The following FGF12 variants were observed in gnomAD, a reference collection of about 807,000 sequenced individuals.
The protein encoded by FGF12 is fibroblast growth factor 12B.
FGF12 carries 14 observed loss-of-function variants against 23.6 expected under a neutral mutation model. The ratio of observed to expected loss-of-function variants is 0.59; its 90% CI spans 0.39 to 0.93. The LOEUF is 0.93. Ranked by LOEUF, FGF12 falls within the 40% of genes least tolerant of loss-of-function variation. The probability of loss-of-function intolerance (pLI) is 0.00; values close to 1 mark genes in which losing one functional copy is unlikely to be tolerated. For synonymous variants in FGF12, 62 were observed against 77.3 expected (o/e 0.80, Z 1.04); for missense variants, 175 against 217.8 (o/e 0.80, Z 1.24).
chr3:192,517,331 G>A (rs1724697880), intron 2 of FGF12, among the ~76,000 whole-genome samples: 1 of 152,150 alleles, frequency 6.6e-6, no homozygotes, highest in Admixed American at 6.6e-5. Flanking sequence ...CTGGGTTCTG[G>A]GTGTTAGACT....
intron 3 of FGF12, among the ~76,000 whole-genome samples, chr3:192,338,575 A>G (rs1717534212): frequency 6.6e-6 from 1 of 152,086 alleles, no homozygotes; most frequent in Non-Finnish European, 1.5e-5. Context: ...TGCTGTTTGA[A>G]TGGGGATATG....
intron 4 of FGF12, among the ~76,000 whole-genome samples, chr3:192,187,251 G>T (rs538296619): frequency 6.6e-6 from 1 of 152,272 alleles, no homozygotes; most frequent in Admixed American, 6.5e-5. Flanking sequence ...TAGAGTCGAC[G>T]AGTTTTAGTT....
intron 4 of FGF12, among the ~76,000 whole-genome samples, chr3:192,282,223 A>G (rs2108640820): frequency 6.6e-6 from 1 of 152,302 alleles, no homozygotes; most frequent in Middle Eastern, 3.4e-3. Flanking sequence ...GCCAATATCT[A>G]GGTGAACATC....
chr3:192,430,614 G>A (rs1251517875), intron 2 of FGF12, among the ~76,000 whole-genome samples: 1 of 152,180 alleles, frequency 6.6e-6, no homozygotes, highest in Non-Finnish European at 1.5e-5. Context: ...TCTCTAAATA[G>A]TTACCACACA....
In FGF12 at chr3:192,142,838, T is replaced by C. The variant is rs557411768; in HGVS notation, c.*1171A>G. ...CAGGATCATACATAGAGCAACAAAT[T>C]AGCTACTGGCTTTGTAAGATAGTAA... On this transcript the variant is annotated 3_prime_UTR_variant, in exon 6 of 6. Transcript: ENST00000445105. 4.6e-5 allele frequency: 7 copies of C among 152,176 alleles called. No individual in the cohort carries two copies. The highest frequency in any genetic ancestry group is 1.0e-4 in the Non-Finnish European group (7 of 67,946). 9.4% of individuals were successfully genotyped at this position (152,176 alleles called of 1,614,324 possible).
chr3:192,168,856 T>C lies in FGF12; in HGVS notation c.427+1602A>G, dbSNP rs542971578. Among the ~76,000 whole-genome samples the C allele has an allele frequency of 1.4e-4, 22 of 152,282 alleles. 1 individual carries two copies. The East Asian group carries it at 2.5e-3, about 17-fold the overall frequency. On this transcript the variant is annotated intron_variant, in intron 5 of 5. Transcript: ENST00000445105. ...GGCAAATTTAATGTCATAATTTCTA[T>C]GGGAGAGAAATGTATGCAATGACAA...
chr3:192,552,325 G>A (rs554115838), intron 2 of FGF12, among the ~76,000 whole-genome samples: 8 of 151,990 alleles, frequency 5.3e-5, no homozygotes, highest in East Asian at 1.9e-4. Context: ...AAAAGGAGAC[G>A]GAGGAGGAGA....
chr3:192,184,444 G>A (rs1316550741), intron 4 of FGF12, among the ~76,000 whole-genome samples: 2 of 152,168 alleles, frequency 1.3e-5, no homozygotes, highest in Non-Finnish European at 2.9e-5. Context: ...GGGCAAAAAA[G>A]GGTGATTCTT....
intron 2 of FGF12, among the ~76,000 whole-genome samples, chr3:192,680,091 C>T (rs891607221): frequency 1.2e-4 from 18 of 151,920 alleles, no homozygotes; most frequent in Non-Finnish European, 2.4e-4. Flanking sequence ...ATCGATGTTT[C>T]GCATTGCCTC....
At chr3:192,392,414 A>AAAAAAAAT (rs1553807203) in intron 2 of FGF12, among the ~76,000 whole-genome samples, 1 of 143,644 alleles carries the variant, frequency 7.0e-6, no homozygotes, top group Non-Finnish European at 1.5e-5. Flanking sequence ...CTAAAAATAA[A>AAAAAAAAT]AAATAAATAA....
At chr3:192,506,916 G>T (rs1724323302) in intron 2 of FGF12, among the ~76,000 whole-genome samples, 3 of 145,610 alleles carry the variant, frequency 2.1e-5, no homozygotes, top group African/African-American at 5.1e-5. Flanking sequence ...TTTTGAGATG[G>T]AGTCTTGCAT....
At chr3:192,263,030 T>C (rs1712858380) in intron 4 of FGF12, among the ~76,000 whole-genome samples, 1 of 152,066 alleles carries the variant, frequency 6.6e-6, no homozygotes, top group African/African-American at 2.4e-5. Context: ...CCTTTTCCTT[T>C]TAATTATGGT....
At chr3:192,326,605 A>C (rs1363536183) in intron 4 of FGF12, among the ~76,000 whole-genome samples, 2 of 152,176 alleles carry the variant, frequency 1.3e-5, no homozygotes, top group African/African-American at 4.8e-5. Flanking sequence ...GGTGCAGAGG[A>C]CATGCATCAA....
intron 2 of FGF12, among the ~76,000 whole-genome samples, chr3:192,482,003 T>C (rs942430433): frequency 1.3e-5 from 2 of 152,170 alleles, no homozygotes; most frequent in African/African-American, 4.8e-5. Context: ...GAAGATAAGA[T>C]GATTTTTAGG....
intron 2 of FGF12, among the ~76,000 whole-genome samples, chr3:192,475,067 T>C (rs1422426778): frequency 6.6e-6 from 1 of 152,164 alleles, no homozygotes; most frequent in Non-Finnish European, 1.5e-5. Flanking sequence ...TTCTAACAAT[T>C]CCTTCTTTGC....
In FGF12 at chr3:192,717,574, A is replaced by C. The variant is rs1409935667; in HGVS notation, c.13+9607T>G. On this transcript the variant is annotated intron_variant, in intron 2 of 5. Coordinates refer to ENST00000445105, the MANE Select transcript of FGF12 (RefSeq NM_004113.6). ...TATAACTGAACCCAACACCTATTAC[A>C]GTTTTTTTCCCCATAAAGCATAGAA... Among the ~76,000 whole-genome samples, 5 of 152,290 alleles carry C rather than the reference A, an allele frequency of 3.3e-5. No homozygotes were observed. In the South Asian group the frequency reaches 8.3e-4, roughly 25 times the overall value.
intron 4 of FGF12, among the ~76,000 whole-genome samples, chr3:192,307,440 A>G (rs1577339451): frequency 6.6e-6 from 1 of 152,210 alleles, no homozygotes; most frequent in East Asian, 1.9e-4. Flanking sequence ...GAAGCCACTG[A>G]TGTAGTCTAG....
chr3:192,475,034 T>C (rs891109599), intron 2 of FGF12, among the ~76,000 whole-genome samples: 1 of 152,208 alleles, frequency 6.6e-6, no homozygotes, highest in African/African-American at 2.4e-5. Flanking sequence ...TAGCTCTTCT[T>C]TCTGTGAGCA....
intron 4 of FGF12, among the ~76,000 whole-genome samples, chr3:192,245,775 A>T (rs924705874): frequency 1.3e-5 from 2 of 152,194 alleles, no homozygotes; most frequent in African/African-American, 4.8e-5. Context: ...GGAGGCAGTA[A>T]CAATGCCTGG....
Sources: gnomAD v4.1 joint callset for allele counts (sites outside exome capture counted in the v4.1 genomes callset) on GRCh38, gnomAD v4.1.1 for gene constraint, MANE v1.5 for transcripts, NCBI Gene and HGNC (gene_info 2026-07-23, HGNC 2026-07-21) for gene names.